RPS6KA2: variants seen among roughly 807,000 people sequenced by gnomAD.
RPS6KA2 encodes the protein ribosomal protein S6 kinase alpha-2.
Under a neutral mutation model 91.8 loss-of-function variants are expected in RPS6KA2, and 42 were observed. That is an observed-to-expected ratio of 0.46 (90% CI 0.36 to 0.59). The LOEUF (loss-of-function observed/expected upper bound fraction) is 0.59. RPS6KA2 is among the 20% of genes least tolerant of loss of function. The probability of loss-of-function intolerance (pLI) is 0.00; values close to 1 mark genes in which losing one functional copy is unlikely to be tolerated. For missense variants in RPS6KA2, 798 were observed against 978.5 expected (o/e 0.82, Z 2.46); for synonymous variants, 414 against 393.6 (o/e 1.05, Z -0.61).
chr6:166,862,215 AG>A, exon 1 of RPS6KA2: 1 of 1,613,558 alleles, frequency 6.2e-7, no homozygotes, highest in Non-Finnish European at 8.5e-7. Context: ...ATAGTAGGAA[AG>A]GAAATAAACA....
At chr6:166,756,834 G>A (rs527895146) in intron 2 of RPS6KA2, among the ~76,000 whole-genome samples, 43 of 152,198 alleles carry the variant, frequency 2.8e-4, no homozygotes, top group African/African-American at 9.9e-4. Flanking sequence ...CAACAACAGC[G>A]AAACTCCGTC....
At chr6:166,674,565 G>A (rs1303649790) in intron 2 of RPS6KA2, among the ~76,000 whole-genome samples, 1 of 152,186 alleles carries the variant, frequency 6.6e-6, no homozygotes, top group Admixed American at 6.5e-5. Context: ...TACAAAATAG[G>A]AAATCAAGGA....
intron 1 of RPS6KA2, among the ~76,000 whole-genome samples, chr6:166,570,722 G>C (rs918926425): frequency 6.6e-6 from 1 of 152,030 alleles, no homozygotes; most frequent in Non-Finnish European, 1.5e-5. Flanking sequence ...AGGGAAACCA[G>C]ACAACATTCA....
chr6:166,517,865 C>G (rs1030035690), intron 3 of RPS6KA2, among the ~76,000 whole-genome samples: 1 of 152,328 alleles, frequency 6.6e-6, no homozygotes, highest in African/African-American at 2.4e-5. Flanking sequence ...CCAGTGCCAT[C>G]CTTTTATTTG....
intron 1 of RPS6KA2, among the ~76,000 whole-genome samples, chr6:166,860,283 T>A (rs1781015162): frequency 6.6e-6 from 1 of 152,196 alleles, no homozygotes; most frequent in African/African-American, 2.4e-5. Context: ...AAAATTCAGC[T>A]AAGAAGCCTG....
intron 1 of RPS6KA2, among the ~76,000 whole-genome samples, chr6:166,540,571 T>C (rs1317156632): frequency 6.6e-6 from 1 of 152,236 alleles, no homozygotes; most frequent in African/African-American, 2.4e-5. Context: ...GCTTCATAAT[T>C]ACTTCTTGAA....
At chr6:166,790,494 A>G (rs946226932) in intron 2 of RPS6KA2, among the ~76,000 whole-genome samples, 3 of 152,152 alleles carry the variant, frequency 2.0e-5, no homozygotes, top group African/African-American at 7.2e-5. Context: ...CAACATTCAG[A>G]TTCAGGAAAT....
Position 166,851,216 on chromosome 6 carries a change from G to C in RPS6KA2, c.123+6984C>G, listed in dbSNP as rs143926515. On this transcript the variant is annotated intron_variant, in intron 2 of 21. Coordinates refer to the RPS6KA2 transcript ENST00000503859. ...GTTGTTATTTCACAGCCAGTCCTCT[G>C]CAGGCAGGAGGAGAGCCACGCCACC... is the stretch of plus-strand genomic sequence containing the variant. Among the ~76,000 whole-genome samples the C allele has an allele frequency of 8.5e-5, 13 of 152,264 alleles. No individual in the cohort carries two copies. In the South Asian group the frequency reaches 2.7e-3, roughly 32 times the overall value.
At chr6:166,529,068 T>C (rs1783164755) in intron 3 of RPS6KA2, among the ~76,000 whole-genome samples, 1 of 152,234 alleles carries the variant, frequency 6.6e-6, no homozygotes, top group East Asian at 1.9e-4. Context: ...ATCCCATTAC[T>C]GGGTATATAC....
intron 2 of RPS6KA2, among the ~76,000 whole-genome samples, chr6:166,651,540 A>G (rs139936598): frequency 3.2e-4 from 48 of 152,350 alleles, no homozygotes; most frequent in African/African-American, 1.1e-3. Context: ...AGACAACGGA[A>G]ATCCAAGGAA....
At chr6:166,574,531 T>A (rs894400983) in intron 1 of RPS6KA2, among the ~76,000 whole-genome samples, 1 of 152,260 alleles carries the variant, frequency 6.6e-6, no homozygotes, top group Non-Finnish European at 1.5e-5. Context: ...CACGTATATG[T>A]ACCACATTTT....
intron 10 of RPS6KA2, among the ~76,000 whole-genome samples, chr6:166,477,012 G>A (rs962091563): frequency 5.3e-5 from 8 of 152,154 alleles, no homozygotes; most frequent in African/African-American, 1.4e-4. Flanking sequence ...TAAGGCTCAC[G>A]GCAGTCAGAA....
chr6:166,487,135 G>T (rs1289487060), intron 10 of RPS6KA2, among the ~76,000 whole-genome samples: 1 of 152,214 alleles, frequency 6.6e-6, no homozygotes, highest in Non-Finnish European at 1.5e-5. Flanking sequence ...CTGTTGGAGA[G>T]ATTTCTGGAA....
At chr6:166,485,483 A>G (rs7776293) in intron 10 of RPS6KA2, among the ~76,000 whole-genome samples, 79,803 of 151,946 alleles carry the variant, frequency 0.53, 22,362 homozygotes, top group African/African-American at 0.73. Context: ...TCCCAGAAGG[A>G]TTACATCCAC....
chr6:166,850,633 C>A (rs367668015), intron 2 of RPS6KA2, among the ~76,000 whole-genome samples: 2 of 152,144 alleles, frequency 1.3e-5, no homozygotes, highest in African/African-American at 4.8e-5. Context: ...GTGAGTTCCA[C>A]GCAGCCTCGG....
rs376250726 is a variant in RPS6KA2 at position 166,862,155 on chromosome 6, A to G, written c.16T>C (p.Leu6=). ...TCGATCTTTTTCCATAGTTCCAGCA[A>G]CTGTGCGATTGGCATTTTTAAACTT... is the stretch of plus-strand genomic sequence containing the variant. Residue 6 remains leucine, a synonymous_variant, in exon 1 of 22, where the codon TTG becomes CTG. Coordinates refer to the RPS6KA2 transcript ENST00000503859. The G allele has an allele frequency of 3.2e-5, 51 of 1,614,110 alleles. No homozygotes were observed. The African/African-American group carries it at 5.6e-4, about 18-fold the overall frequency.
At chr6:166,763,075 A>G (rs1176092517) in intron 2 of RPS6KA2, among the ~76,000 whole-genome samples, 1 of 152,208 alleles carries the variant, frequency 6.6e-6, no homozygotes, top group East Asian at 1.9e-4. Context: ...CTTAAGCTAA[A>G]AATATTTGGG....
At chr6:166,576,551 G>T (rs1174801243) in intron 1 of RPS6KA2, among the ~76,000 whole-genome samples, 1 of 152,218 alleles carries the variant, frequency 6.6e-6, no homozygotes, top group African/African-American at 2.4e-5. Context: ...CAGAGACTGG[G>T]CAGCATTTTG....
intron 2 of RPS6KA2, among the ~76,000 whole-genome samples, chr6:166,846,591 A>G (rs966606627): frequency 6.6e-6 from 1 of 152,256 alleles, no homozygotes; most frequent in African/African-American, 2.4e-5. Context: ...GCACATAAAC[A>G]GAATTAAAAA....
Sources: allele counts gnomAD v4.1 joint callset (sites outside exome capture counted in the v4.1 genomes callset), GRCh38; gene constraint gnomAD v4.1.1; transcripts MANE v1.5; gene names NCBI Gene and HGNC (gene_info 2026-07-23, HGNC 2026-07-21).